Variants in ZNF846 observed in about 807,000 individuals in gnomAD.
ZNF846 encodes the protein zinc finger protein 846.
A neutral mutation model predicts 16.0 loss-of-function variants in ZNF846; 15 were observed. The observed-to-expected ratio is 0.94, with a 90% CI of 0.63 to 1.45. The LOEUF is 1.45. ZNF846 is among the 40% of genes most tolerant of loss of function. The pLI, the probability that ZNF846 is intolerant of heterozygous loss-of-function variation, is 0.00. For synonymous variants in ZNF846, 229 were observed against 212.0 expected, an observed-to-expected ratio of 1.08 and a Z score of -0.70; for missense variants, 714 against 622.3, an observed-to-expected ratio of 1.15 and a Z score of -1.57.
chr19:9,774,692 C>T, intron 1 of ZNF846: 1 of 1,499,912 alleles, frequency 6.7e-7, no homozygotes, highest in Non-Finnish European at 9.3e-7. Context: ...ATTCAAACTA[C>T]CAAAGATCAC....
chr19:9,761,222 G>C lies in ZNF846; in HGVS notation c.229+860C>G, dbSNP rs142965404. On this transcript the variant is annotated intron_variant, in intron 4 of 5. Coordinates refer to ENST00000397902, the Ensembl canonical transcript of ZNF846. ...TGTCTCAAACAAACAAACAAACAAA[G>C]AAATGCCTTGAAACTAAAAAGAGCT... 2.8e-4 allele frequency among the ~76,000 whole-genome samples: 39 copies of C among 137,922 alleles called. No homozygotes were observed. In the East Asian group the frequency reaches 4.8e-3, roughly 17 times the overall value. The allele number at this position is 137,922 out of a possible 152,430, so 90.5% of individuals were successfully genotyped here.
At chr19:9,765,070 C>G (rs2045293499) in intron 1 of ZNF846, 35 bp from the exon 2 acceptor site, 2 of 1,134,310 alleles carry the variant, frequency 1.8e-6, no homozygotes, top group Admixed American at 1.7e-5. Flanking sequence ...CAGTTGGATA[C>G]ATCAAAGAAA....
chr19:9,786,073 C>A (rs1376372535), exon 1 of ZNF846: 2 of 151,954 alleles, frequency 1.3e-5, no homozygotes, highest in Admixed American at 6.6e-5. Context: ...GACCCGGCCT[C>A]GGAGGCCTGA....
At chr19:9,750,134 A>G, downstream of ZNF846, among the ~76,000 whole-genome samples, 1 of 152,118 alleles carries the variant, frequency 6.6e-6, no homozygotes, top group East Asian at 1.9e-4. Flanking sequence ...CCAACTTCAC[A>G]TTACTGATAA....
intron 1 of ZNF846, among the ~76,000 whole-genome samples, chr19:9,779,691 C>T (rs1034023905): frequency 3.3e-5 from 5 of 151,914 alleles, no homozygotes; most frequent in African/African-American, 1.2e-4. Context: ...CTGCCTCAGC[C>T]TCCCAAGCAG....
chr19:9,753,645 C>T (rs67509260), downstream of ZNF846, among the ~76,000 whole-genome samples: 16,845 of 151,544 alleles, frequency 0.11, 1,614 homozygotes, highest in African/African-American at 0.21. Flanking sequence ...TTCTAATTTA[C>T]CTTGTGAATT....
downstream of ZNF846, among the ~76,000 whole-genome samples, chr19:9,750,866 G>A (rs1440103884): frequency 2.6e-5 from 4 of 152,118 alleles, no homozygotes; most frequent in African/African-American, 9.7e-5. Context: ...TTGTCCTCCA[G>A]AACTGCCAAG....
At position 9,780,001 on chromosome 19, in the gene ZNF846, C is replaced by G. The variant is rs569584274; in HGVS notation, c.-86+5937G>C. Reference sequence around the variant, plus strand: ...AAGAGATCCTCCCACCTCAGCCTCTCAAGTAGCTAGGACTACAAATGCATG... The same window carrying G: ...AAGAGATCCTCCCACCTCAGCCTCTGAAGTAGCTAGGACTACAAATGCATG... On this transcript the variant is annotated intron_variant, in intron 1 of 4. Coordinates refer to the ZNF846 transcript ENST00000586814. 7.9e-5 allele frequency among the ~76,000 whole-genome samples: 12 copies of G among 151,010 alleles called. 1 individual carries two copies. The highest frequency in any genetic ancestry group is 2.7e-4 in the Admixed American group (4 of 15,092).
At chr19:9,774,580 T>TCAA in intron 1 of ZNF846, 1 of 1,508,610 alleles carries the variant, frequency 6.6e-7, no homozygotes, top group Non-Finnish European at 9.2e-7. Flanking sequence ...TCCAGGTTGA[T>TCAA]GAAGCTAATT....
At chr19:9,764,872 A>G in intron 2 of ZNF846, 64 bp downstream of exon 2, 1 of 1,584,280 alleles carries the variant, frequency 6.3e-7, no homozygotes. Context: ...CACGATAACA[A>G]GGTAAGGCTA....
intron 1 of ZNF846, among the ~76,000 whole-genome samples, chr19:9,776,296 C>A (rs192194478): frequency 1.3e-5 from 2 of 152,194 alleles, no homozygotes; most frequent in Non-Finnish European, 2.9e-5. Context: ...GGAGGCCCAA[C>A]CGTCTCCCTG....
downstream of ZNF846, among the ~76,000 whole-genome samples, chr19:9,748,718 G>A (rs1432674303): frequency 6.6e-6 from 1 of 152,110 alleles, no homozygotes; most frequent in African/African-American, 2.4e-5. Flanking sequence ...AAAAAAGACT[G>A]GACAGTACTT....
At chr19:9,760,416 C>T (rs2045205866) in intron 4 of ZNF846, among the ~76,000 whole-genome samples, 1 of 151,244 alleles carries the variant, frequency 6.6e-6, no homozygotes, top group Non-Finnish European at 1.5e-5. Context: ...ATCAACTGTG[C>T]TGGGCTGGGT....
chr19:9,767,886 T>A (rs569636208), intron 1 of ZNF846, among the ~76,000 whole-genome samples: 3 of 151,998 alleles, frequency 2.0e-5, no homozygotes, highest in East Asian at 1.9e-4. Context: ...TGAGCCTATA[T>A]CACGCCATTG....
downstream of ZNF846, among the ~76,000 whole-genome samples, chr19:9,753,034 G>C (rs1231327680): frequency 1.3e-5 from 2 of 151,444 alleles, no homozygotes; most frequent in East Asian, 3.9e-4. Context: ...GGTTCACAGA[G>C]AGCCATCTTC....
At chr19:9,770,039 C>CATT (rs1568327667), upstream of ZNF846, among the ~76,000 whole-genome samples, 1 of 150,030 alleles carries the variant, frequency 6.7e-6, no homozygotes, top group Non-Finnish European at 1.5e-5. Flanking sequence ...GCCTCTGATA[C>CATT]ATTCAGTTCC....
Position 9,765,046 on chromosome 19 carries a change from GAAT to G in ZNF846, c.-85-14_-85-12del, listed in dbSNP as rs1298026095. ...CCTGGAAAAAATGACCTTTGGAAAAGAATAATGGCATGTCAGTTGGATACATCA... is the reference window on the plus strand; with the variant it reads ...CCTGGAAAAAATGACCTTTGGAAAAGAATGGCATGTCAGTTGGATACATCA... On this transcript the variant is annotated splice_polypyrimidine_tract_variant and intron_variant, in intron 1 of 5. Coordinates refer to ENST00000397902, the Ensembl canonical transcript of ZNF846. 3.7e-6 allele frequency: 5 copies of G among 1,354,388 alleles called. No individual in the cohort carries two copies. In the East Asian group the frequency reaches 1.1e-4, roughly 31 times the overall value. The allele number at this position is 1,354,388 out of a possible 1,614,324, so 83.9% of individuals were successfully genotyped here. A position where few individuals can be genotyped will look rare whatever the true frequency, so the allele number is the denominator to read the frequency against.
intron 1 of ZNF846, among the ~76,000 whole-genome samples, chr19:9,776,617 T>G (rs2045446169): frequency 6.6e-6 from 1 of 152,202 alleles, no homozygotes; most frequent in Admixed American, 6.5e-5. Flanking sequence ...GCCAGACATT[T>G]GGGGCCACTA....
chr19:9,763,991 G>A (rs1037086030), intron 2 of ZNF846, among the ~76,000 whole-genome samples: 1 of 152,228 alleles, frequency 6.6e-6, no homozygotes, highest in Non-Finnish European at 1.5e-5. Flanking sequence ...GCCAGAATGA[G>A]CCAACAGCGT....
Sources: gnomAD v4.1 joint callset for allele counts (sites outside exome capture counted in the v4.1 genomes callset) on GRCh38, gnomAD v4.1.1 for gene constraint, MANE v1.5 for transcripts, NCBI Gene and HGNC (gene_info 2026-07-23, HGNC 2026-07-21) for gene names.